The following AFAP1 variants were observed in gnomAD, a reference collection of about 807,000 sequenced individuals.
AFAP1 encodes the protein actin filament associated protein 1, also known as actin filament-associated protein 1.
AFAP1 carries 75 observed loss-of-function variants against 93.9 expected under a neutral mutation model. The observed-to-expected ratio is 0.80, with a 90% CI of 0.66 to 0.97. The LOEUF is 0.97. AFAP1 is among the 50% of genes least tolerant of loss of function. The pLI, the probability that AFAP1 is intolerant of heterozygous loss-of-function variation, is 0.00. For missense variants in AFAP1, 1,201 were observed against 1,050.8 expected, an observed-to-expected ratio of 1.14 and a Z score of -1.98; for synonymous variants, 517 against 430.7, an observed-to-expected ratio of 1.20 and a Z score of -2.48.
In AFAP1 at chr4:7,914,591, G is replaced by T. The variant is rs140044167; in HGVS notation, c.-3+25065C>A. Among the ~76,000 whole-genome samples the T allele has an allele frequency of 7.0e-3, 1,062 of 152,234 alleles. 7 individuals are homozygous for T. The highest frequency in any genetic ancestry group is 0.011 in the Non-Finnish European group (741 of 68,006). On this transcript the variant is annotated intron_variant, in intron 1 of 17. Transcript: ENST00000420658. ...CCATATCTTGGCTACGGTGAACAGC[G>T]CTGCAGGTAACACAGAGGTACAGAT...
chr4:7,758,955 G>A lies in AFAP1; in HGVS notation c.*4810C>T, dbSNP rs1402022554. On this transcript the variant is annotated 3_prime_UTR_variant, in exon 18 of 18. Coordinates refer to ENST00000420658, the MANE Select transcript of AFAP1 (RefSeq NM_001134647.2). ...AAATATATTTACAGTCATTTGAAGT[G>A]GGCACTACTAACATATTTAATTTAA... 5 of 152,152 alleles carry A rather than the reference G, an allele frequency of 3.3e-5. No homozygotes were observed. 9.4% of individuals were successfully genotyped at this position (152,152 alleles called of 1,614,324 possible).
chr4:7,839,469 T>C (rs1231875138), intron 5 of AFAP1, among the ~76,000 whole-genome samples: 1 of 152,078 alleles, frequency 6.6e-6, no homozygotes, highest in Non-Finnish European at 1.5e-5. Flanking sequence ...ACTATTAGAT[T>C]TGTTGCAACT....
intron 1 of AFAP1, among the ~76,000 whole-genome samples, chr4:7,912,529 AT>A (rs1719793914): frequency 6.6e-6 from 1 of 152,052 alleles, no homozygotes; most frequent in Middle Eastern, 3.4e-3. Context: ...TTTAGCGTGC[AT>A]TTTTCTGACG....
intron 1 of AFAP1, among the ~76,000 whole-genome samples, chr4:7,907,743 G>A (rs1719498183): frequency 6.6e-6 from 1 of 152,106 alleles, no homozygotes; most frequent in Non-Finnish European, 1.5e-5. Context: ...ATCCAAAAAT[G>A]TAAAAAAATC....
intron 1 of AFAP1, among the ~76,000 whole-genome samples, chr4:7,878,781 C>T (rs1028900483): frequency 4.6e-5 from 7 of 152,172 alleles, no homozygotes; most frequent in Admixed American, 3.3e-4. Flanking sequence ...AGAAAGGTTA[C>T]GTTTTTGCCT....
intron 14 of AFAP1, chr4:7,775,223 G>T: frequency 1.3e-5 from 3 of 230,818 alleles, no homozygotes; most frequent in Non-Finnish European, 2.5e-5. Context: ...CAAACACAAA[G>T]CATTATTTTG....
At position 7,762,545 on chromosome 4, in the gene AFAP1, C is replaced by CA. The variant is rs1304701835; in HGVS notation, c.*1219dup. The CA allele has an allele frequency of 1.1e-4, 17 of 152,236 alleles. No homozygotes were observed. Among genetic ancestry groups the CA allele is most frequent in the African/African-American group, 4.1e-4 (17 of 41,464 alleles). 9.4% of individuals were successfully genotyped at this position (152,236 alleles called of 1,614,324 possible). ...TAAACCCAGGGGGTAAATACCAGCT[C>CA]AAACTATGAACTCTGTTTTTTTCCT... On this transcript the variant is annotated 3_prime_UTR_variant, in exon 18 of 18. Transcript: ENST00000420658.
chr4:7,883,664 T>C (rs1717978546), intron 1 of AFAP1, among the ~76,000 whole-genome samples: 1 of 152,210 alleles, frequency 6.6e-6, no homozygotes, highest in African/African-American at 2.4e-5. Flanking sequence ...GCTTATTTTA[T>C]ATCAAACAAT....
At chr4:7,813,443 G>A (rs1286341754) in intron 8 of AFAP1, among the ~76,000 whole-genome samples, 2 of 152,208 alleles carry the variant, frequency 1.3e-5, no homozygotes, top group Non-Finnish European at 2.9e-5. Context: ...GGAAACAGGA[G>A]AATTTTAAAT....
intron 9 of AFAP1, among the ~76,000 whole-genome samples, chr4:7,804,078 G>A (rs927541325): frequency 6.6e-6 from 1 of 152,148 alleles, no homozygotes; most frequent in Admixed American, 6.5e-5. Context: ...AGAGTCAGGG[G>A]GTCCTCTGGA....
At chr4:7,858,179 A>G (rs1715283054) in intron 3 of AFAP1, among the ~76,000 whole-genome samples, 1 of 152,214 alleles carries the variant, frequency 6.6e-6, no homozygotes, top group Non-Finnish European at 1.5e-5. Context: ...ACAAAGGTGT[A>G]CTATGATCCC....
At chr4:7,909,981 T>G (rs112516078) in intron 1 of AFAP1, among the ~76,000 whole-genome samples, 2 of 152,132 alleles carry the variant, frequency 1.3e-5, no homozygotes, top group Non-Finnish European at 2.9e-5. Flanking sequence ...CCTAATAATA[T>G]TGGCAAAGAA....
At chr4:7,834,206 G>T (rs578067585) in intron 6 of AFAP1, among the ~76,000 whole-genome samples, 4 of 152,148 alleles carry the variant, frequency 2.6e-5, no homozygotes, top group Admixed American at 2.6e-4. Context: ...TGAGATTGGA[G>T]ACTATTATTC....
At chr4:7,822,586 C>CTTTTTTTTT (rs5855982) in intron 6 of AFAP1, among the ~76,000 whole-genome samples, 53 of 132,556 alleles carry the variant, frequency 4.0e-4, no homozygotes, top group South Asian at 4.8e-4. Context: ...TTTCTTTTTT[C>CTTTTTTTTT]TTTTTTTTTT....
In AFAP1 at chr4:7,931,803, TGAG is replaced by T. The variant is rs141650535; in HGVS notation, c.-3+7850_-3+7852del. ...TACACAAAATTTTTGCACAGGATTT[TGAG>T]GAGTTCATAAATTTCTGAAAGCCAG... On this transcript the variant is annotated intron_variant, in intron 1 of 17. Transcript: ENST00000420658. 0.01 allele frequency among the ~76,000 whole-genome samples: 1,535 copies of T among 152,304 alleles called. 39 individuals are homozygous for T. In the East Asian group the frequency reaches 0.1, roughly 10 times the overall value.
chr4:7,901,157 T>C (rs1012573758), intron 1 of AFAP1, among the ~76,000 whole-genome samples: 1 of 152,220 alleles, frequency 6.6e-6, no homozygotes, highest in African/African-American at 2.4e-5. Context: ...ACTTTAAGCA[T>C]GACCACAAGG....
intron 2 of AFAP1, among the ~76,000 whole-genome samples, chr4:7,869,021 G>A (rs1175245878): frequency 1.5e-5 from 2 of 133,644 alleles, no homozygotes; most frequent in Non-Finnish European, 3.1e-5. Flanking sequence ...GAAAGGGAAA[G>A]GGAAAGAAAA....
At chr4:7,776,261 C>G (rs1455589743) in intron 14 of AFAP1, 3 of 152,138 alleles carry the variant, frequency 2.0e-5, no homozygotes, top group Non-Finnish European at 2.9e-5. Flanking sequence ...AAACACTGGA[C>G]TCAGAGAGGT....
rs150974806 is a variant in AFAP1, at chr4:7,827,192, G to A, written c.727-8021C>T. Among the ~76,000 whole-genome samples, 36 of 152,182 alleles carry A rather than the reference G, an allele frequency of 2.4e-4. 1 individual carries two copies. The East Asian group carries it at 6.8e-3, about 29-fold the overall frequency. On this transcript the variant is annotated intron_variant, in intron 6 of 17. Coordinates refer to ENST00000420658, the MANE Select transcript of AFAP1 (RefSeq NM_001134647.2). ...GAAGCGTCCACCCAAGCTGAGGCAC[G>A]GAAGGAGTGAAGGAAACCACAACGG... is the stretch of plus-strand genomic sequence containing the variant.
Sources: allele counts gnomAD v4.1 joint callset (sites outside exome capture counted in the v4.1 genomes callset), GRCh38; gene constraint gnomAD v4.1.1; transcripts MANE v1.5; gene names NCBI Gene and HGNC (gene_info 2026-07-23, HGNC 2026-07-21).